Variants in LYSMD1 observed in about 807,000 individuals in gnomAD.
LYSMD1 encodes LysM domain containing 1.
Under a neutral mutation model 19.3 loss-of-function variants are expected in LYSMD1, and 9 were observed. The ratio of observed to expected loss-of-function variants is 0.47; its 90% CI spans 0.28 to 0.81. The LOEUF is 0.81. LYSMD1 is among the 40% of genes least tolerant of loss of function. LYSMD1 has a pLI of 0.11. For missense variants in LYSMD1, 262 were observed against 279.8 expected (o/e 0.94, Z 0.45); for synonymous variants, 111 against 111.7 (o/e 0.99, Z 0.04).
the LYSMD1 span, among the ~76,000 whole-genome samples, chr1:151,152,100 A>T: frequency 6.6e-6 from 1 of 150,410 alleles, no homozygotes; most frequent in African/African-American, 2.5e-5. Context: ...CAAAAAACAA[A>T]AACAAAAAAA....
chr1:151,161,680 A>T (rs200772114), intron 2 of LYSMD1, 56 bp downstream of exon 2: 83 of 1,575,836 alleles, frequency 5.3e-5, no homozygotes, highest in Non-Finnish European at 6.9e-5. Flanking sequence ...GTTAGGTAAG[A>T]CAGGAATGAT....
chr1:151,148,717 G>A, the LYSMD1 span, among the ~76,000 whole-genome samples: 1 of 152,138 alleles, frequency 6.6e-6, no homozygotes, highest in Non-Finnish European at 1.5e-5. Flanking sequence ...ATGTTCCCGA[G>A]GGACACAGCT....
intron 2 of LYSMD1, 86 bp from the exon 3 acceptor site, chr1:151,161,106 C>G: frequency 6.9e-7 from 1 of 1,452,332 alleles, no homozygotes. Flanking sequence ...GGAAAGCTAT[C>G]TTCTAATACA....
the LYSMD1 span, among the ~76,000 whole-genome samples, chr1:151,154,206 G>A: frequency 3.3e-5 from 5 of 152,102 alleles, no homozygotes; most frequent in Non-Finnish European, 7.4e-5. Context: ...ACAGACGGGC[G>A]CTATGGCTCA....
the LYSMD1 span, among the ~76,000 whole-genome samples, chr1:151,153,412 T>C: frequency 6.6e-6 from 1 of 151,976 alleles, no homozygotes; most frequent in Admixed American, 6.6e-5. Context: ...CCCAGCACTT[T>C]GGGAGGTCGA....
downstream of LYSMD1, among the ~76,000 whole-genome samples, chr1:151,155,420 G>A (rs956632039): frequency 6.6e-6 from 1 of 152,200 alleles, no homozygotes; most frequent in African/African-American, 2.4e-5. Flanking sequence ...TTGATAGCAA[G>A]TGTTTTTGTC....
At chr1:151,157,678 C>T (rs1217459898), downstream of LYSMD1, among the ~76,000 whole-genome samples, 1 of 152,186 alleles carries the variant, frequency 6.6e-6, no homozygotes, top group African/African-American at 2.4e-5. Flanking sequence ...GGCCAAATTG[C>T]TATATTTCTC....
At chr1:151,154,453 T>G in the LYSMD1 span, among the ~76,000 whole-genome samples, 2 of 126,808 alleles carry the variant, frequency 1.6e-5, no homozygotes. Flanking sequence ...CCAGCCTGGG[T>G]GACAGGGACA....
chr1:151,155,313 T>C (rs1372939259), downstream of LYSMD1, among the ~76,000 whole-genome samples: 1 of 152,238 alleles, frequency 6.6e-6, no homozygotes, highest in African/African-American at 2.4e-5. Context: ...CTCTCAAAAT[T>C]ATTTAAATCT....
rs1683546199 is a variant in LYSMD1, at chr1:151,163,839, C to CT, written c.180+1239dup. ...CACCACGCCTGGCCCACCACAGCCC[C>CT]TTTCCAACTGAAATTTAATCTTTTC... On this transcript the variant is annotated intron_variant, in intron 1 of 2. Coordinates refer to ENST00000368908, the MANE Select transcript of LYSMD1 (RefSeq NM_212551.5). 4.0e-5 allele frequency among the ~76,000 whole-genome samples: 6 copies of CT among 150,608 alleles called. No homozygotes were observed. The South Asian group carries it at 1.3e-3, about 32-fold the overall frequency.
At chr1:151,149,608 G>C in the LYSMD1 span, among the ~76,000 whole-genome samples, 1 of 151,938 alleles carries the variant, frequency 6.6e-6, no homozygotes, top group African/African-American at 2.4e-5. Context: ...AGAATTAGCC[G>C]GGCGTGGCGG....
chr1:151,156,476 C>A (rs374659882), downstream of LYSMD1, among the ~76,000 whole-genome samples: 1 of 152,184 alleles, frequency 6.6e-6, no homozygotes, highest in Non-Finnish European at 1.5e-5. Context: ...CCCTTTCCCC[C>A]CTTCAAAGAA....
downstream of LYSMD1, chr1:151,159,175 T>C: frequency 6.2e-7 from 1 of 1,614,206 alleles, no homozygotes; most frequent in Non-Finnish European, 8.5e-7. Flanking sequence ...CACGGCCCTC[T>C]ATGGGCCTGA....
At chr1:151,158,322 C>CAA (rs587732030), downstream of LYSMD1, among the ~76,000 whole-genome samples, 4 of 83,846 alleles carry the variant, frequency 4.8e-5, no homozygotes, top group Non-Finnish European at 5.2e-5. Flanking sequence ...GACTCCGTCT[C>CAA]AAAAAAAAAA....
intron 1 of LYSMD1, among the ~76,000 whole-genome samples, chr1:151,164,302 A>ATT (rs1442701257): frequency 6.6e-6 from 1 of 152,202 alleles, no homozygotes; most frequent in African/African-American, 2.4e-5. Context: ...GAGGACAGCA[A>ATT]CCATATAGTT....
rs748958647 is a variant in LYSMD1, at chr1:151,161,827, G to C, written c.454C>G (p.Leu152Val). ...GQETPTPIHDLSASDFLKKLD... is the reference protein window; with the variant it reads ...GQETPTPIHDVSASDFLKKLD... Reference sequence around the variant, plus strand: ...TTCTTAAGGAAATCAGAGGCAGAGAGGTCATGGATGGGCGTGGGGGTTTCC... The same window carrying C: ...TTCTTAAGGAAATCAGAGGCAGAGACGTCATGGATGGGCGTGGGGGTTTCC... Residue 152 changes from leucine (L) to valine (V), a missense_variant, in exon 2 of 3, where the codon CTC (leucine) becomes GTC (valine). Leu to Val is a conservative substitution (Grantham distance 32, BLOSUM62 1). Transcript: ENST00000368908. 15 of 1,613,696 alleles carry C rather than the reference G, an allele frequency of 9.3e-6. No individual in the cohort carries two copies. The highest frequency in any genetic ancestry group is 1.6e-4 in the Middle Eastern group (1 of 6,078).
chr1:151,153,413 G>C, the LYSMD1 span, among the ~76,000 whole-genome samples: 7,563 of 152,188 alleles, frequency 0.05, 536 homozygotes, highest in African/African-American at 0.16. Flanking sequence ...CCAGCACTTT[G>C]GGAGGTCGAG....
the LYSMD1 span, among the ~76,000 whole-genome samples, chr1:151,150,514 A>G: frequency 6.6e-6 from 1 of 152,158 alleles, no homozygotes; most frequent in South Asian, 2.1e-4. Flanking sequence ...AAGGCCACCA[A>G]CGACCTCCTG....
chr1:151,148,619 C>T, the LYSMD1 span, among the ~76,000 whole-genome samples: 5,034 of 152,098 alleles, frequency 0.033, 271 homozygotes, highest in African/African-American at 0.11. Flanking sequence ...AAATATTCTC[C>T]GAAGACTGCA....
Sources: gnomAD v4.1 joint callset for allele counts (sites outside exome capture counted in the v4.1 genomes callset) on GRCh38, gnomAD v4.1.1 for gene constraint, MANE v1.5 for transcripts, NCBI Gene and HGNC (gene_info 2026-07-23, HGNC 2026-07-21) for gene names.